Variants in VWA8 observed in about 807,000 individuals in gnomAD.
The protein encoded by VWA8 is von Willebrand factor A domain containing 8, also known as von Willebrand factor A domain-containing protein 8.
VWA8 carries 221 observed loss-of-function variants against 241.5 expected under a neutral mutation model. The ratio of observed to expected loss-of-function variants is 0.91; its 90% CI spans 0.82 to 1.02. The LOEUF (loss-of-function observed/expected upper bound fraction) is 1.02, where lower values mean the gene tolerates loss of function less well. Among genes scored for constraint, VWA8 ranks in the 50% least tolerant of loss-of-function variants. The probability of loss-of-function intolerance (pLI) is 0.00; values close to 1 mark genes in which losing one functional copy is unlikely to be tolerated. For synonymous variants in VWA8, 852 were observed against 827.1 expected, an observed-to-expected ratio of 1.03 and a Z score of -0.52; for missense variants, 2,322 against 2,328.7, an observed-to-expected ratio of 1.00 and a Z score of 0.06.
intron 17 of VWA8, among the ~76,000 whole-genome samples, chr13:41,793,648 C>T (rs1198360118): frequency 6.6e-6 from 1 of 151,986 alleles, no homozygotes; most frequent in Non-Finnish European, 1.5e-5. Flanking sequence ...CCCATCTGTA[C>T]CGAAAATACA....
chr13:41,940,408 A>G (rs1877544256), intron 2 of VWA8, among the ~76,000 whole-genome samples: 1 of 152,132 alleles, frequency 6.6e-6, no homozygotes, highest in South Asian at 2.1e-4. Context: ...GTACTTTAAA[A>G]TACTTTTTAA....
chr13:41,908,147 T>C, intron 3 of VWA8, among the ~76,000 whole-genome samples: 1 of 152,196 alleles, frequency 6.6e-6, no homozygotes, highest in East Asian at 1.9e-4. Context: ...TTAGGTACTT[T>C]ACCAAATGTG....
At chr13:41,824,124 C>CT (rs1318280404) in intron 14 of VWA8, among the ~76,000 whole-genome samples, 2 of 152,180 alleles carry the variant, frequency 1.3e-5, no homozygotes, top group East Asian at 3.9e-4. Context: ...CAAAGAAGCT[C>CT]TTAAATCTGT....
At chr13:41,761,462 T>C (rs911211912) in intron 20 of VWA8, among the ~76,000 whole-genome samples, 4 of 152,056 alleles carry the variant, frequency 2.6e-5, no homozygotes, top group African/African-American at 9.7e-5. Context: ...TCCTACATAT[T>C]GACTTTTCTG....
chr13:41,720,406 A>G lies in VWA8; in HGVS notation c.2965-664T>C, dbSNP rs117114805. Among the ~76,000 whole-genome samples, 238 of 152,222 alleles carry G rather than the reference A, an allele frequency of 1.6e-3. 2 individuals are homozygous for G. The highest frequency in any genetic ancestry group is 2.9e-3 in the Non-Finnish European group (200 of 67,990). On this transcript the variant is annotated intron_variant, in intron 25 of 44. Coordinates refer to ENST00000379310, the MANE Select transcript of VWA8 (RefSeq NM_015058.2). ...ATTTTTAATCTTGATTTCTTTCCATATATTTTTAATTGACAAATAATAACT... is the reference window on the plus strand; with the variant it reads ...ATTTTTAATCTTGATTTCTTTCCATGTATTTTTAATTGACAAATAATAACT...
At chr13:41,615,712 G>C (rs1566388639) in intron 37 of VWA8, among the ~76,000 whole-genome samples, 1 of 152,090 alleles carries the variant, frequency 6.6e-6, no homozygotes, top group Non-Finnish European at 1.5e-5. Flanking sequence ...CTAGATTTAT[G>C]ATTCCTGCAA....
At chr13:41,752,284 G>A (rs2045661969) in intron 21 of VWA8, among the ~76,000 whole-genome samples, 1 of 152,064 alleles carries the variant, frequency 6.6e-6, no homozygotes, top group Non-Finnish European at 1.5e-5. Flanking sequence ...CTCAGTTTGA[G>A]TGCTACCTTC....
intron 28 of VWA8, among the ~76,000 whole-genome samples, chr13:41,700,070 G>A (rs148475625): frequency 6.6e-5 from 10 of 152,202 alleles, no homozygotes; most frequent in East Asian, 1.9e-4. Flanking sequence ...TGTGGGCACC[G>A]CTGAAGCAAG....
chr13:41,693,004 G>C, intron 29 of VWA8, 32 bp from the exon 30 acceptor site: 43 of 1,209,966 alleles, frequency 3.6e-5, no homozygotes, highest in Non-Finnish European at 4.6e-5. Context: ...AAAAGCTCAA[G>C]ATTTGTTCTT....
intron 37 of VWA8, among the ~76,000 whole-genome samples, chr13:41,618,840 T>C: frequency 6.6e-6 from 1 of 152,234 alleles, no homozygotes; most frequent in Non-Finnish European, 1.5e-5. Context: ...TATATCTCTG[T>C]TTTGGTACCA....
At chr13:41,603,332 G>A (rs2044533664) in intron 40 of VWA8, among the ~76,000 whole-genome samples, 1 of 152,102 alleles carries the variant, frequency 6.6e-6, no homozygotes, top group Admixed American at 6.6e-5. Flanking sequence ...CTTCATTTGT[G>A]TGTGATTGTG....
chr13:41,650,043 C>T (rs1298282013), intron 37 of VWA8, among the ~76,000 whole-genome samples: 2 of 152,132 alleles, frequency 1.3e-5, no homozygotes, highest in African/African-American at 4.8e-5. Context: ...AACAAGTTTT[C>T]TAAATTTTAA....
At chr13:41,766,917 G>A (rs756898561) in intron 20 of VWA8, among the ~76,000 whole-genome samples, 138 of 152,232 alleles carry the variant, frequency 9.1e-4, no homozygotes, top group Middle Eastern at 3.4e-3. Context: ...CATAAAACAC[G>A]TCTGGGAGCT....
chr13:41,697,376 T>A (rs921796396), intron 29 of VWA8, among the ~76,000 whole-genome samples: 1 of 152,102 alleles, frequency 6.6e-6, no homozygotes, highest in African/African-American at 2.4e-5. Flanking sequence ...GCTCAAAACC[T>A]CCTAATGTCT....
intron 2 of VWA8, chr13:41,925,747 C>A (rs187268021): frequency 8.3e-4 from 179 of 214,684 alleles, no homozygotes; most frequent in African/African-American, 4.0e-3. Flanking sequence ...TTAAACCAGG[C>A]CACAGCTGCT....
intron 2 of VWA8, among the ~76,000 whole-genome samples, chr13:41,948,858 T>C (rs921319894): frequency 6.6e-6 from 1 of 151,790 alleles, no homozygotes; most frequent in African/African-American, 2.4e-5. Flanking sequence ...CTGTGGTATG[T>C]TTATACAATG....
At position 41,865,998 on chromosome 13, in the gene VWA8, C is replaced by G. The variant is rs144335561; in HGVS notation, c.1251G>C (p.Ala417=). ...TCAAAGTCTGTATGAAACGGTCTGA[C>G]GCACAAGGTTGACTTAATAGCCTGG... ...AGTRLLSQPC[A]SDRFIQTLSH... is the part of the protein sequence containing the mutation. Residue 417 remains alanine, a synonymous_variant, in exon 11 of 45, where the codon GCG becomes GCC. Coordinates refer to ENST00000379310, the MANE Select transcript of VWA8 (RefSeq NM_015058.2). 1 of 1,614,022 alleles carries G rather than the reference C, an allele frequency of 6.2e-7. No homozygotes were observed. The highest frequency in any genetic ancestry group is 1.3e-5 in the African/African-American group (1 of 74,912).
chr13:41,573,143 C>A (rs369342370), intron 43 of VWA8, among the ~76,000 whole-genome samples: 1 of 149,628 alleles, frequency 6.7e-6, no homozygotes, highest in Non-Finnish European at 1.5e-5. Flanking sequence ...AAGCCAGGCA[C>A]GGTGGCTGAC....
intron 20 of VWA8, among the ~76,000 whole-genome samples, chr13:41,771,886 CTTTTTTT>C (rs10639837): frequency 4.0e-5 from 4 of 100,266 alleles, no homozygotes; most frequent in Non-Finnish European, 7.8e-5. Context: ...CCAGCAGGGA[CTTTTTTT>C]TTTTTTTTTT....
Sources: allele counts gnomAD v4.1 joint callset (sites outside exome capture counted in the v4.1 genomes callset), GRCh38; gene constraint gnomAD v4.1.1; transcripts MANE v1.5; gene names NCBI Gene and HGNC (gene_info 2026-07-23, HGNC 2026-07-21).